The following LGSN variants were observed in gnomAD, a reference collection of about 807,000 sequenced individuals.
The protein encoded by LGSN is lengsin.
LGSN carries 21 observed loss-of-function variants against 19.5 expected under a neutral mutation model. The ratio of observed to expected loss-of-function variants is 1.07; its 90% CI spans 0.76 to 1.55. LGSN has a LOEUF of 1.55. Ranked by LOEUF, LGSN falls within the 40% of genes most tolerant of loss-of-function variation. The probability of loss-of-function intolerance (pLI) is 0.00; values close to 1 mark genes in which losing one functional copy is unlikely to be tolerated. For missense variants in LGSN, 673 were observed against 608.5 expected (o/e 1.11, Z -1.12); for synonymous variants, 257 against 215.6 (o/e 1.19, Z -1.68).
At chr6:63,511,922 T>A in the LGSN span, among the ~76,000 whole-genome samples, 1 of 152,150 alleles carries the variant, frequency 6.6e-6, no homozygotes, top group Middle Eastern at 3.4e-3. Context: ...ATTAAAAAAA[T>A]TAATAATTCC....
the LGSN span, among the ~76,000 whole-genome samples, chr6:63,557,847 G>A: frequency 1.3e-5 from 2 of 152,016 alleles, no homozygotes; most frequent in African/African-American, 4.8e-5. Context: ...TTGAGAAAGA[G>A]GATAGCAAGA....
chr6:63,386,777 G>A, the LGSN span, among the ~76,000 whole-genome samples: 107 of 152,118 alleles, frequency 7.0e-4, no homozygotes, highest in African/African-American at 2.2e-3. Context: ...TATTATAGTC[G>A]TCTAGTAGCA....
At chr6:63,503,984 A>C in the LGSN span, among the ~76,000 whole-genome samples, 2 of 152,158 alleles carry the variant, frequency 1.3e-5, no homozygotes, top group Non-Finnish European at 2.9e-5. Context: ...TAACAACAAT[A>C]ATAATAAAAT....
chr6:63,514,230 TG>T, the LGSN span, among the ~76,000 whole-genome samples: 1 of 152,162 alleles, frequency 6.6e-6, no homozygotes, highest in South Asian at 2.1e-4. Flanking sequence ...GGCTTTTTTT[TG>T]TTTTGTTTTG....
rs1767194265 is a variant in LGSN, at chr6:63,279,246, C to G, written c.*775G>C. ...GCAGAGTAGACAGAGCCCACCTACCCTCACACACAAACATCTTTCTATCTA... is the reference window on the plus strand; with the variant it reads ...GCAGAGTAGACAGAGCCCACCTACCGTCACACACAAACATCTTTCTATCTA... On this transcript the variant is annotated 3_prime_UTR_variant, in exon 4 of 4. Coordinates refer to ENST00000370657, the MANE Select transcript of LGSN (RefSeq NM_016571.3). 2 of 152,210 alleles carry G rather than the reference C, an allele frequency of 1.3e-5. No individual in the cohort carries two copies. Among genetic ancestry groups the G allele is most frequent in the African/African-American group, 2.4e-5 (1 of 41,446 alleles). 9.4% of individuals were successfully genotyped at this position (152,210 alleles called of 1,614,324 possible).
At chr6:63,519,055 C>T in the LGSN span, among the ~76,000 whole-genome samples, 6 of 152,330 alleles carry the variant, frequency 3.9e-5, 1 homozygote, top group African/African-American at 1.4e-4. Context: ...TGGCTCACGC[C>T]TGTAATCCCA....
At chr6:63,331,981 C>A in the LGSN span, among the ~76,000 whole-genome samples, 3 of 152,054 alleles carry the variant, frequency 2.0e-5, no homozygotes, top group Non-Finnish European at 4.4e-5. Flanking sequence ...AGGGCCATAC[C>A]CTGAGGGAGG....
At chr6:63,474,535 G>A in the LGSN span, among the ~76,000 whole-genome samples, 1 of 151,502 alleles carries the variant, frequency 6.6e-6, no homozygotes, top group Non-Finnish European at 1.5e-5. Context: ...CATGAACCTG[G>A]GAGGTGGAGC....
chr6:63,383,655 A>C, the LGSN span, among the ~76,000 whole-genome samples: 18 of 152,296 alleles, frequency 1.2e-4, no homozygotes, highest in East Asian at 3.1e-3. Flanking sequence ...GACACAGACA[A>C]GTCATATACT....
chr6:63,338,036 C>T, the LGSN span, among the ~76,000 whole-genome samples: 1 of 151,926 alleles, frequency 6.6e-6, no homozygotes, highest in Non-Finnish European at 1.5e-5. Flanking sequence ...CAGGTACACA[C>T]CACCACCCCT....
chr6:63,349,424 CA>C, the LGSN span, among the ~76,000 whole-genome samples: 2 of 152,194 alleles, frequency 1.3e-5, no homozygotes, highest in South Asian at 4.1e-4. Flanking sequence ...CCTAGGTATT[CA>C]ATCAAACATT....
the LGSN span, among the ~76,000 whole-genome samples, chr6:63,327,551 G>A: frequency 5.9e-5 from 9 of 152,172 alleles, no homozygotes; most frequent in African/African-American, 1.9e-4. Context: ...CAGTATTGGA[G>A]AGTCGCTGCT....
chr6:63,304,602 T>C (rs1408708675), intron 1 of LGSN, among the ~76,000 whole-genome samples: 1 of 152,226 alleles, frequency 6.6e-6, no homozygotes, highest in Non-Finnish European at 1.5e-5. Flanking sequence ...ATCTGGCTTA[T>C]TCTTTGATCT....
chr6:63,549,175 G>A, the LGSN span: 10 of 686,626 alleles, frequency 1.5e-5, no homozygotes, highest in Non-Finnish European at 1.8e-5. Context: ...AACAGCCTCT[G>A]TTTCTTCTCT....
chr6:63,433,596 C>T, the LGSN span, among the ~76,000 whole-genome samples: 2 of 152,208 alleles, frequency 1.3e-5, no homozygotes, highest in African/African-American at 2.4e-5. Context: ...TATTCAATCA[C>T]ATCCAACTAC....
the LGSN span, among the ~76,000 whole-genome samples, chr6:63,432,124 A>G: frequency 2.5e-5 from 3 of 121,588 alleles, no homozygotes; most frequent in Non-Finnish European, 5.0e-5. Flanking sequence ...AAAGAAAGAA[A>G]GAAAGAAAGA....
the LGSN span, among the ~76,000 whole-genome samples, chr6:63,450,646 C>T: frequency 4.0e-5 from 6 of 150,036 alleles, no homozygotes; most frequent in East Asian, 3.9e-4. Flanking sequence ...AAAACAAGAA[C>T]AAAACAGCTA....
chr6:63,551,248 T>C, the LGSN span, among the ~76,000 whole-genome samples: 1 of 151,790 alleles, frequency 6.6e-6, no homozygotes, highest in Non-Finnish European at 1.5e-5. Flanking sequence ...GTATTTTTAG[T>C]AGAGACGGAG....
Position 63,280,243 on chromosome 6 carries a change from C to G in LGSN, c.1308G>C (p.Glu436Asp), listed in dbSNP as rs778077271. The G allele has an allele frequency of 1.9e-6, 3 of 1,614,098 alleles. No homozygotes were observed. Among genetic ancestry groups the G allele is most frequent in the Non-Finnish European group, 2.5e-6 (3 of 1,180,054 alleles). Residue 436 changes from glutamate to aspartate, a missense_variant, in exon 4 of 4, where the codon GAG becomes GAC. Transcript: ENST00000370657. The stretch of plus-strand genomic sequence containing the variant: ...TGCTCTCATCTGGACCAGCCAAGAC[C>G]TCATTACTGCTATGAAGTCCATCTA... ...AGLDGLHSSN[E>D]VLAGPDESTD...
Sources: allele counts gnomAD v4.1 joint callset (sites outside exome capture counted in the v4.1 genomes callset), GRCh38; gene constraint gnomAD v4.1.1; transcripts MANE v1.5; gene names NCBI Gene and HGNC (gene_info 2026-07-23, HGNC 2026-07-21).